Variants in JPH1 observed in about 807,000 individuals in gnomAD.
JPH1 encodes the protein junctophilin-1.
A neutral mutation model predicts 53.6 loss-of-function variants in JPH1; 12 were observed. The observed-to-expected ratio is 0.22, with a 90% CI of 0.14 to 0.36. JPH1 has a LOEUF of 0.36. Among genes scored for constraint, JPH1 ranks in the 10% least tolerant of loss-of-function variants. The pLI is 1.00. For synonymous variants in JPH1, 375 were observed against 363.8 expected, an observed-to-expected ratio of 1.03 and a Z score of -0.35; for missense variants, 808 against 905.5, an observed-to-expected ratio of 0.89 and a Z score of 1.38.
At chr8:74,300,735 T>C (rs934967095) in intron 2 of JPH1, among the ~76,000 whole-genome samples, 1 of 152,202 alleles carries the variant, frequency 6.6e-6, no homozygotes, top group Admixed American at 6.5e-5. Context: ...GCATTGGTAT[T>C]GTTATGTGAA....
chr8:74,305,579 A>C (rs1807809141), intron 2 of JPH1, among the ~76,000 whole-genome samples: 1 of 152,230 alleles, frequency 6.6e-6, no homozygotes, highest in Non-Finnish European at 1.5e-5. Context: ...CTATTTAAGC[A>C]AGCTCAGGCT....
At chr8:74,306,047 G>C (rs1247204164) in intron 2 of JPH1, among the ~76,000 whole-genome samples, 1 of 152,092 alleles carries the variant, frequency 6.6e-6, no homozygotes, top group Non-Finnish European at 1.5e-5. Context: ...CTTTAGAAAC[G>C]AGATATCCTA....
At chr8:74,304,773 G>A (rs1807785489) in intron 2 of JPH1, among the ~76,000 whole-genome samples, 1 of 152,114 alleles carries the variant, frequency 6.6e-6, no homozygotes, top group South Asian at 2.1e-4. Context: ...TAATAAAATT[G>A]TTTGTTAATT....
At chr8:74,237,115 C>A in intron 5 of JPH1, 80 bp from the exon 6 acceptor site, 1 of 779,694 alleles carries the variant, frequency 1.3e-6, no homozygotes, top group Non-Finnish European at 2.1e-6. Flanking sequence ...AAGTGAAGGA[C>A]AATACGTCAT....
At chr8:74,304,940 A>C (rs1330931740) in intron 2 of JPH1, among the ~76,000 whole-genome samples, 1 of 152,236 alleles carries the variant, frequency 6.6e-6, no homozygotes, top group Non-Finnish European at 1.5e-5. Flanking sequence ...CATATTAATT[A>C]AATTTTTGAG....
intron 2 of JPH1, among the ~76,000 whole-genome samples, chr8:74,269,533 C>T (rs1452840732): frequency 6.6e-6 from 1 of 152,204 alleles, no homozygotes; most frequent in Non-Finnish European, 1.5e-5. Context: ...CTTGCTGCAA[C>T]AGATATTGAG....
intron 3 of JPH1, among the ~76,000 whole-genome samples, chr8:74,256,123 CAA>C (rs970068257): frequency 4.6e-5 from 7 of 152,072 alleles, no homozygotes; most frequent in African/African-American, 1.7e-4. Context: ...TTGACAATAG[CAA>C]AGACTTGGAA....
At position 74,243,534 on chromosome 8, in the gene JPH1, A is replaced by G. The variant is rs546338687; in HGVS notation, c.1905+995T>C. On this transcript the variant is annotated intron_variant, in intron 4 of 5. Transcript: ENST00000342232. ...GTTTAATCCTGTGAGTAAATCAAACAGACAAAAATAAGAAACTGATGGCTG... is the reference window on the plus strand; with the variant it reads ...GTTTAATCCTGTGAGTAAATCAAACGGACAAAAATAAGAAACTGATGGCTG... Among the ~76,000 whole-genome samples the G allele has an allele frequency of 5.9e-5, 9 of 152,392 alleles. No homozygotes were observed. The South Asian group carries it at 1.9e-3, about 32-fold the overall frequency.
Position 74,271,424 on chromosome 8 carries a change from C to T in JPH1, c.1140-11921G>A, listed in dbSNP as rs78993605. On this transcript the variant is annotated intron_variant, in intron 2 of 5. Coordinates refer to ENST00000342232, the MANE Select transcript of JPH1 (RefSeq NM_020647.4). ...ACTTGTTCAATGTGCTAAGTCTTGGCCAGCGATAGGAGTACTGGAAATAGT... is the reference window on the plus strand; with the variant it reads ...ACTTGTTCAATGTGCTAAGTCTTGGTCAGCGATAGGAGTACTGGAAATAGT... 4.5e-4 allele frequency among the ~76,000 whole-genome samples: 69 copies of T among 152,302 alleles called. 1 individual carries two copies. The East Asian group carries it at 0.013, about 29-fold the overall frequency.
intron 3 of JPH1, among the ~76,000 whole-genome samples, chr8:74,253,956 C>T (rs577888575): frequency 2.5e-4 from 38 of 152,176 alleles, no homozygotes; most frequent in African/African-American, 8.9e-4. Context: ...CCGAATTCTA[C>T]CAGAGGTACA....
Position 74,315,290 on chromosome 8 carries a change from C to A in JPH1, c.710G>T (p.Ser237Ile). 6.2e-7 allele frequency: 1 copy of A among 1,614,090 alleles called. No homozygotes were observed. The change falls in exon 2 of 6, where the codon AGC (serine) becomes ATC (isoleucine). Residue 237 changes from serine (S) to isoleucine (I), a missense_variant. Physicochemically the swap from Ser to Ile is moderately radical, Grantham distance 142 (BLOSUM62 -2). Around this residue, in one of 2 missense-constraint regions of JPH1, gnomAD observed 756 missense variants for 811.9 expected, o/e 0.93. Transcript: ENST00000342232. The surrounding 1 kb of genome is among the most constrained non-coding windows in gnomAD (Gnocchi z 6.3). ...ESKSSISSKR[S>I]SVRSDAAMSR... Reference sequence around the variant, plus strand: ...CATGGCCGCGTCGCTGCGGACAGAGCTGCGCTTGCTCGAGATGGAAGACTT... The same window carrying A: ...CATGGCCGCGTCGCTGCGGACAGAGATGCGCTTGCTCGAGATGGAAGACTT...
At chr8:74,306,604 C>CTT (rs5892449) in intron 2 of JPH1, among the ~76,000 whole-genome samples, 25 of 147,432 alleles carry the variant, frequency 1.7e-4, no homozygotes, top group Middle Eastern at 3.5e-3. Context: ...TCTACACTAA[C>CTT]TTTTTTTTTT....
In JPH1 at chr8:74,272,499, G is replaced by A. The variant is rs191862721; in HGVS notation, c.1140-12996C>T. ...TGAAGTTTCTCTGTAACGCTTTTCC[G>A]AGACGTCATAGTAACAACGGCTCAA... On this transcript the variant is annotated intron_variant, in intron 2 of 5. Transcript: ENST00000342232. 4.6e-5 allele frequency among the ~76,000 whole-genome samples: 7 copies of A among 151,700 alleles called. No homozygotes were observed. In the East Asian group the frequency reaches 9.7e-4, roughly 21 times the overall value.
chr8:74,284,696 A>G (rs1807109180), intron 2 of JPH1, among the ~76,000 whole-genome samples: 1 of 152,084 alleles, frequency 6.6e-6, no homozygotes, highest in Non-Finnish European at 1.5e-5. Context: ...TCTAGTTCTT[A>G]AGGCTTTTTT....
In JPH1 at chr8:74,234,715, CTTTT is replaced by C. The variant is rs201266550; in HGVS notation, c.*2332_*2335del. The C allele has an allele frequency of 6.6e-6, 1 of 152,492 alleles. No individual in the cohort carries two copies. Among genetic ancestry groups the C allele is most frequent in the Non-Finnish European group, 1.5e-5 (1 of 68,020 alleles). The allele number at this position is 152,492 out of a possible 1,614,324, so 9.4% of individuals were successfully genotyped here. A position where few individuals can be genotyped will look rare whatever the true frequency, so the allele number is the denominator to read the frequency against. ...CACCTCCAACTTCATTAATAACCAA[CTTTT>C]TTTTATTAGAGCAGATACAGTTGTG... On this transcript the variant is annotated 3_prime_UTR_variant, in exon 6 of 6. Coordinates refer to ENST00000342232, the MANE Select transcript of JPH1 (RefSeq NM_020647.4).
At chr8:74,255,843 T>C (rs1202978822) in intron 3 of JPH1, among the ~76,000 whole-genome samples, 5 of 152,148 alleles carry the variant, frequency 3.3e-5, no homozygotes, top group Non-Finnish European at 7.3e-5. Context: ...CACAATGAGA[T>C]ACCATCTCAC....
rs774015868 is a variant in JPH1, at chr8:74,315,586, C to A, written c.414G>T (p.Arg138=). 2.5e-6 allele frequency: 4 copies of A among 1,603,852 alleles called. No homozygotes were observed. The highest frequency in any genetic ancestry group is 3.4e-6 in the Non-Finnish European group (4 of 1,178,248). ...CGCTCTGGCGCACGCCGTAGCCATG[C>A]CGCATGCCTCCGGCCCACTGGCCCT... ...TYQGQWAGGM[R]HGYGVRQSVP... The change falls in exon 2 of 6, where the codon CGG becomes CGT. Residue 138 remains arginine (R), a synonymous_variant. Transcript: ENST00000342232. The surrounding 1 kb of genome is among the most constrained non-coding windows in gnomAD (Gnocchi z 6.3).
chr8:74,267,656 C>G (rs1806573081), intron 2 of JPH1, among the ~76,000 whole-genome samples: 2 of 152,054 alleles, frequency 1.3e-5, no homozygotes, highest in Admixed American at 1.3e-4. Flanking sequence ...CAGAAGAAGC[C>G]GAGGAAGCAG....
At position 74,315,126 on chromosome 8, in the gene JPH1, C is replaced by T; in HGVS notation, c.874G>A (p.Gly292Ser). 1 of 1,614,220 alleles carries T rather than the reference C, an allele frequency of 6.2e-7. No homozygotes were observed. The highest frequency in any genetic ancestry group is 1.1e-5 in the South Asian group (1 of 91,088). ...MGEWKNDKRN[G>S]FGVSERSNGM... ...TTGGAGCGCTCGCTAACGCCGAAGC[C>T]GTTGCGCTTGTCGTTCTTCCACTCG... is the stretch of plus-strand genomic sequence containing the variant. Residue 292 changes from glycine to serine, a missense_variant, in exon 2 of 6, where the codon GGC becomes AGC. This residue lies in a region of JPH1 where 756 missense variants were observed against 811.9 expected (regional missense o/e 0.93). Transcript: ENST00000342232. The surrounding 1 kb of genome is among the most constrained non-coding windows in gnomAD (Gnocchi z 6.3).
Sources: allele counts gnomAD v4.1 joint callset (sites outside exome capture counted in the v4.1 genomes callset), GRCh38; gene constraint gnomAD v4.1.1; regional missense constraint gnomAD v4.1.1; non-coding constraint Gnocchi (gnomAD v3.1); transcripts MANE v1.5; gene names NCBI Gene and HGNC (gene_info 2026-07-23, HGNC 2026-07-21).